The following DCLK2 variants were observed in gnomAD, a reference collection of about 807,000 sequenced individuals.
DCLK2 encodes the protein doublecortin like kinase 2.
DCLK2 carries 31 observed loss-of-function variants against 78.4 expected under a neutral mutation model. The ratio of observed to expected loss-of-function variants is 0.40; its 90% CI spans 0.30 to 0.53. DCLK2 has a LOEUF of 0.53. Among genes scored for constraint, DCLK2 ranks in the 20% least tolerant of loss-of-function variants. The probability of loss-of-function intolerance (pLI) is 0.61; values close to 1 mark genes in which losing one functional copy is unlikely to be tolerated. For missense variants in DCLK2, 872 were observed against 973.7 expected, an observed-to-expected ratio of 0.90 and a Z score of 1.39; for synonymous variants, 407 against 374.9, an observed-to-expected ratio of 1.09 and a Z score of -0.99.
intron 2 of DCLK2, among the ~76,000 whole-genome samples, chr4:150,122,613 G>A (rs1009294800): frequency 3.3e-5 from 5 of 152,188 alleles, no homozygotes; most frequent in Admixed American, 3.3e-4. Flanking sequence ...GTGGGTGGGG[G>A]GCTAGGGGAG....
At chr4:150,244,091 A>G (rs570576650) in intron 12 of DCLK2, among the ~76,000 whole-genome samples, 1 of 151,700 alleles carries the variant, frequency 6.6e-6, no homozygotes, top group Admixed American at 6.6e-5. Flanking sequence ...GCACCACTAT[A>G]TTGCACTAGT....
intron 2 of DCLK2, among the ~76,000 whole-genome samples, chr4:150,184,989 C>T (rs1434213666): frequency 6.6e-6 from 1 of 151,902 alleles, no homozygotes; most frequent in African/African-American, 2.4e-5. Flanking sequence ...TGTGTGTCCT[C>T]TTTTTTTTGT....
chr4:150,208,280 A>G (rs1739999815), intron 5 of DCLK2, among the ~76,000 whole-genome samples: 1 of 152,220 alleles, frequency 6.6e-6, no homozygotes, highest in African/African-American at 2.4e-5. Flanking sequence ...TTTGGTCATA[A>G]AAGTTTTGGT....
chr4:150,151,068 G>A (rs1371355849), intron 2 of DCLK2, among the ~76,000 whole-genome samples: 5 of 151,772 alleles, frequency 3.3e-5, no homozygotes, highest in Admixed American at 6.6e-5. Context: ...CATCCCAGGC[G>A]TCAGACCTCC....
chr4:150,116,857 C>T (rs1219816387), intron 2 of DCLK2, among the ~76,000 whole-genome samples: 2 of 152,114 alleles, frequency 1.3e-5, no homozygotes, highest in Non-Finnish European at 2.9e-5. Context: ...TGTTCTTCTA[C>T]CTGGAGATGC....
At chr4:150,138,371 G>C (rs62338190) in intron 2 of DCLK2, among the ~76,000 whole-genome samples, 21,531 of 152,158 alleles carry the variant, frequency 0.14, 1,953 homozygotes, top group Non-Finnish European at 0.21. Flanking sequence ...CACTTTGGGA[G>C]GCCGAGGCGG....
intron 2 of DCLK2, among the ~76,000 whole-genome samples, chr4:150,128,892 G>A (rs1306927086): frequency 6.6e-6 from 1 of 152,152 alleles, no homozygotes; most frequent in Non-Finnish European, 1.5e-5. Context: ...TTTAAAAAGA[G>A]CATTAACTTT....
At chr4:150,086,167 G>C (rs895111869) in intron 1 of DCLK2, among the ~76,000 whole-genome samples, 2 of 152,162 alleles carry the variant, frequency 1.3e-5, no homozygotes, top group East Asian at 3.9e-4. Flanking sequence ...TGAAACAAAT[G>C]CTTCTGGCAC....
intron 1 of DCLK2, among the ~76,000 whole-genome samples, chr4:150,080,417 G>A (rs6815799): frequency 0.88 from 133,138 of 152,152 alleles, 58,868 homozygotes; most frequent in Non-Finnish European, 0.94. Context: ...CATTATCAGT[G>A]GTTAAGAACC....
chr4:150,102,262 C>T (rs1334971518), intron 1 of DCLK2, among the ~76,000 whole-genome samples: 4 of 152,146 alleles, frequency 2.6e-5, no homozygotes, highest in African/African-American at 9.7e-5. Flanking sequence ...TCCAGTGCTT[C>T]TCACCCTGTA....
chr4:150,093,934 C>T (rs1157933089), intron 1 of DCLK2, among the ~76,000 whole-genome samples: 1 of 152,170 alleles, frequency 6.6e-6, no homozygotes, highest in African/African-American at 2.4e-5. Context: ...GTATCTTCAA[C>T]AGGGTTGCCA....
intron 12 of DCLK2, among the ~76,000 whole-genome samples, chr4:150,242,073 G>T (rs543425391): frequency 6.6e-6 from 1 of 152,302 alleles, no homozygotes; most frequent in African/African-American, 2.4e-5. Flanking sequence ...ATACAGAAAA[G>T]TTGAAAGGAT....
At chr4:150,253,881 C>T (rs971150630) in intron 15 of DCLK2, 4 of 985,308 alleles carry the variant, frequency 4.1e-6, no homozygotes, top group African/African-American at 1.7e-5. Flanking sequence ...ATGGTGCCTT[C>T]GTGAAGGCTT....
chr4:150,216,224 C>T lies in DCLK2; in HGVS notation c.1057-4479C>T, dbSNP rs187906787. Among the ~76,000 whole-genome samples the T allele has an allele frequency of 1.9e-4, 29 of 152,336 alleles. No individual in the cohort carries two copies. The East Asian group carries it at 5.6e-3, about 29-fold the overall frequency. Reference sequence around the variant, plus strand: ...TCTGACATAACTCCCTGGCTAAAAACAGAAAACTGGAGTGTTGCTCATCAT... The same window carrying T: ...TCTGACATAACTCCCTGGCTAAAAATAGAAAACTGGAGTGTTGCTCATCAT... On this transcript the variant is annotated intron_variant, in intron 5 of 15. Transcript: ENST00000296550.
At chr4:150,242,083 T>C (rs1742970495) in intron 12 of DCLK2, among the ~76,000 whole-genome samples, 1 of 152,218 alleles carries the variant, frequency 6.6e-6, no homozygotes, top group Non-Finnish European at 1.5e-5. Flanking sequence ...GTTGAAAGGA[T>C]TATCTTTTTA....
intron 2 of DCLK2, among the ~76,000 whole-genome samples, chr4:150,114,264 G>A (rs1304085113): frequency 6.6e-6 from 1 of 152,160 alleles, no homozygotes; most frequent in Non-Finnish European, 1.5e-5. Context: ...AGGTCCATAT[G>A]TTCTAGAGTG....
chr4:150,246,998 T>C (rs1743369301), intron 12 of DCLK2, among the ~76,000 whole-genome samples: 1 of 152,164 alleles, frequency 6.6e-6, no homozygotes, highest in South Asian at 2.1e-4. Flanking sequence ...ATCCAGATCC[T>C]GAACTCCTTA....
intron 2 of DCLK2, among the ~76,000 whole-genome samples, chr4:150,149,037 C>CAAAAAAAAAAA (rs11407877): frequency 9.5e-6 from 1 of 104,718 alleles, no homozygotes; most frequent in African/African-American, 3.8e-5. Context: ...CAGACTGTCT[C>CAAAAAAAAAAA]AAAAAAAAAA....
chr4:150,149,959 A>G (rs528645643), intron 2 of DCLK2, among the ~76,000 whole-genome samples: 1 of 152,214 alleles, frequency 6.6e-6, no homozygotes, highest in Non-Finnish European at 1.5e-5. Flanking sequence ...TTTTAAATGA[A>G]TGTCTTTTTG....
Sources: allele counts gnomAD v4.1 joint callset (sites outside exome capture counted in the v4.1 genomes callset), GRCh38; gene constraint gnomAD v4.1.1; transcripts MANE v1.5; gene names NCBI Gene and HGNC (gene_info 2026-07-23, HGNC 2026-07-21).